TFB1M: variants seen among roughly 807,000 people sequenced by gnomAD.
The protein encoded by TFB1M is transcription factor B1, mitochondrial, also known as dimethyladenosine transferase 1, mitochondrial.
Under a neutral mutation model 31.1 loss-of-function variants are expected in TFB1M, and 27 were observed. That is an observed-to-expected ratio of 0.87 (90% CI 0.64 to 1.20). TFB1M has a LOEUF of 1.20. TFB1M is among the 50% of genes most tolerant of loss of function. TFB1M has a pLI of 0.00. For missense variants in TFB1M, 394 were observed against 418.7 expected (o/e 0.94, Z 0.51); for synonymous variants, 166 against 151.8 (o/e 1.09, Z -0.69).
At position 155,285,187 on chromosome 6, in the gene TFB1M, G is replaced by A. The variant is rs780992858; in HGVS notation, c.637C>T (p.Pro213Ser). The A allele has an allele frequency of 2.2e-5, 35 of 1,613,996 alleles. No homozygotes were observed. The Admixed American group carries it at 5.5e-4, about 25-fold the overall frequency. ...GGTTTGGGGACAAAAGCTTGTCCTG[G>A]AATCGTAAAGATGTGTCGAACATTG... is the stretch of plus-strand genomic sequence containing the variant. ...LCNVRHIFTI[P>S]GQAFVPKPEV... The change falls in exon 5 of 7, where the codon CCA (proline) becomes TCA (serine). Residue 213 changes from proline to serine, a missense_variant. Physicochemically the swap from Pro to Ser is moderately conservative, Grantham distance 74 (BLOSUM62 -1). Coordinates refer to ENST00000367166, the MANE Select transcript of TFB1M (RefSeq NM_016020.4).
intron 5 of TFB1M, among the ~76,000 whole-genome samples, chr6:155,267,349 A>G (rs532949585): frequency 5.3e-5 from 8 of 152,362 alleles, no homozygotes; most frequent in African/African-American, 1.9e-4. Flanking sequence ...AACCTAAAAT[A>G]TAGAGACAAA....
the TFB1M span, among the ~76,000 whole-genome samples, chr6:155,229,995 G>C: frequency 6.6e-6 from 1 of 151,966 alleles, no homozygotes; most frequent in Non-Finnish European, 1.5e-5. Context: ...TCCCTCCCAT[G>C]ACACATGGGA....
chr6:155,272,486 C>T (rs539778849), intron 5 of TFB1M, among the ~76,000 whole-genome samples: 68 of 151,888 alleles, frequency 4.5e-4, no homozygotes, highest in African/African-American at 1.4e-3. Context: ...CGACCCCTCC[C>T]CTCTGCTTCT....
In TFB1M at chr6:155,257,182, G is replaced by C; in HGVS notation, c.*654C>G. On this transcript the variant is annotated 3_prime_UTR_variant, in exon 7 of 7. Coordinates refer to ENST00000367166, the MANE Select transcript of TFB1M (RefSeq NM_016020.4). ...TTTACTTTTAAACTGGTGGTAAAGT[G>C]GAAATTGCAAAAAAAAAAAAAAAAA... The C allele has an allele frequency of 9.4e-7, 1 of 1,065,916 alleles. No homozygotes were observed. The highest frequency in any genetic ancestry group is 1.3e-6 in the Non-Finnish European group (1 of 761,722). The allele number at this position is 1,065,916 out of a possible 1,614,324, so 66.0% of individuals were successfully genotyped here. A position where few individuals can be genotyped will look rare whatever the true frequency, so the allele number is the denominator to read the frequency against.
chr6:155,250,117 C>T, the TFB1M span: 3 of 593,858 alleles, frequency 5.1e-6, no homozygotes, highest in South Asian at 6.9e-5. Flanking sequence ...ATGAACTACA[C>T]AATTTACATA....
At position 155,285,289 on chromosome 6, in the gene TFB1M, C is replaced by T; in HGVS notation, c.547-12G>A. 6.2e-7 allele frequency: 1 copy of T among 1,613,340 alleles called. No homozygotes were observed. Among genetic ancestry groups the T allele is most frequent in the African/African-American group, 1.3e-5 (1 of 74,980 alleles). ...TTGGCTGCAAGTCTCTAGAGAGAGACAAAAATGAATTTTAGCAAATAATTA... is the reference window on the plus strand; with the variant it reads ...TTGGCTGCAAGTCTCTAGAGAGAGATAAAAATGAATTTTAGCAAATAATTA... On this transcript the variant is annotated splice_polypyrimidine_tract_variant and intron_variant, in intron 4 of 6. Coordinates refer to ENST00000367166, the MANE Select transcript of TFB1M (RefSeq NM_016020.4).
At chr6:155,229,922 T>C in the TFB1M span, among the ~76,000 whole-genome samples, 31 of 151,982 alleles carry the variant, frequency 2.0e-4, no homozygotes, top group African/African-American at 7.0e-4. Context: ...GTGAGACTTA[T>C]TCACTATCAC....
Position 155,311,312 on chromosome 6 carries a change from A to G in TFB1M, c.161T>C (p.Leu54Pro), listed in dbSNP as rs1177660034. ...TDKIVRKAGN[L>P]TNAYVYEVGP... The stretch of plus-strand genomic sequence containing the variant: ...CACTTCGTAAACATAAGCATTTGTC[A>G]GATTGCCAGCTTTCCTTACAATCTT... Residue 54 changes from leucine to proline, a missense_variant, in exon 2 of 7, where the codon CTG becomes CCG. Around this residue, in one of 3 missense-constraint regions of TFB1M, gnomAD observed 273 missense variants for 256.4 expected, o/e 1.06. Coordinates refer to ENST00000367166, the MANE Select transcript of TFB1M (RefSeq NM_016020.4). 3 of 1,614,066 alleles carry G rather than the reference A, an allele frequency of 1.9e-6. No homozygotes were observed. Among genetic ancestry groups the G allele is most frequent in the South Asian group, 2.2e-5 (2 of 91,076 alleles).
chr6:155,253,930 T>G (rs1461072889), downstream of TFB1M: 4 of 1,519,780 alleles, frequency 2.6e-6, no homozygotes, highest in Non-Finnish European at 3.6e-6. Context: ...CACAGCATTT[T>G]GGGCAAAGTT....
downstream of TFB1M, chr6:155,254,181 C>A: frequency 2.6e-6 from 3 of 1,148,838 alleles, no homozygotes; most frequent in Non-Finnish European, 3.7e-6. Context: ...TCCCCACCCT[C>A]CGAAAAAGGC....
chr6:155,254,268 T>C, downstream of TFB1M: 13 of 1,069,526 alleles, frequency 1.2e-5, no homozygotes, highest in South Asian at 1.6e-4. Flanking sequence ...CTCACCTCCT[T>C]CTGTACGGGA....
chr6:155,248,248 G>C, the TFB1M span: 1 of 1,514,326 alleles, frequency 6.6e-7, no homozygotes. Context: ...GCCGTGCCCT[G>C]GGCCTGACAG....
chr6:155,290,480 C>T (rs1776866796), intron 4 of TFB1M, among the ~76,000 whole-genome samples: 1 of 150,494 alleles, frequency 6.6e-6, no homozygotes, highest in African/African-American at 2.4e-5. Flanking sequence ...ATGTGAAAAT[C>T]AGAGGACCAG....
At chr6:155,237,445 C>G in the TFB1M span, among the ~76,000 whole-genome samples, 21 of 152,226 alleles carry the variant, frequency 1.4e-4, no homozygotes, top group Non-Finnish European at 2.6e-4. Flanking sequence ...GATGGTGGCC[C>G]TCTTCTCACA....
intron 4 of TFB1M, among the ~76,000 whole-genome samples, chr6:155,288,061 C>T (rs1193504309): frequency 6.6e-6 from 1 of 152,188 alleles, no homozygotes; most frequent in Non-Finnish European, 1.5e-5. Flanking sequence ...TTTTCCTTTG[C>T]TGCTTGTAGC....
chr6:155,311,545 C>G (rs1345343670), intron 1 of TFB1M, among the ~76,000 whole-genome samples: 1 of 152,166 alleles, frequency 6.6e-6, no homozygotes, highest in Non-Finnish European at 1.5e-5. Flanking sequence ...TTGAACTGTA[C>G]CAGTCCCTTA....
intron 2 of TFB1M, among the ~76,000 whole-genome samples, chr6:155,301,246 C>T (rs1777418349): frequency 6.6e-6 from 1 of 152,158 alleles, no homozygotes; most frequent in South Asian, 2.1e-4. Context: ...TTTGCAACTC[C>T]CCACTGCAGA....
downstream of TFB1M, chr6:155,253,024 C>T (rs745554916): frequency 1.1e-5 from 18 of 1,614,030 alleles, no homozygotes; most frequent in East Asian, 1.1e-4. Flanking sequence ...CCCATCTCCG[C>T]GCTTCAAGTC....
At chr6:155,267,132 A>G (rs1035169963) in intron 5 of TFB1M, among the ~76,000 whole-genome samples, 1 of 151,782 alleles carries the variant, frequency 6.6e-6, no homozygotes, top group African/African-American at 2.4e-5. Context: ...GTGGCACCAC[A>G]CCCGGCCAAT....
Sources: allele counts gnomAD v4.1 joint callset (sites outside exome capture counted in the v4.1 genomes callset), GRCh38; gene constraint gnomAD v4.1.1; regional missense constraint gnomAD v4.1.1; transcripts MANE v1.5; gene names NCBI Gene and HGNC (gene_info 2026-07-23, HGNC 2026-07-21).